EPS8L1: variants seen among roughly 807,000 people sequenced by gnomAD.
EPS8L1 encodes epidermal growth factor receptor kinase substrate 8-like protein 1.
EPS8L1 carries 101 observed loss-of-function variants against 91.7 expected under a neutral mutation model. The ratio of observed to expected loss-of-function variants is 1.10; its 90% CI spans 0.94 to 1.30. The LOEUF (loss-of-function observed/expected upper bound fraction) is 1.30. Among genes scored for constraint, EPS8L1 ranks in the 50% most tolerant of loss-of-function variants. The probability of loss-of-function intolerance (pLI) is 0.00; values close to 1 mark genes in which losing one functional copy is unlikely to be tolerated. For missense variants in EPS8L1, 1,114 were observed against 1,017.0 expected, an observed-to-expected ratio of 1.10 and a Z score of -1.30; for synonymous variants, 506 against 445.3, an observed-to-expected ratio of 1.14 and a Z score of -1.72.
chr19:55,078,151 C>G (rs757255258), intron 3 of EPS8L1, 23 bp downstream of exon 3: 41 of 1,612,348 alleles, frequency 2.5e-5, no homozygotes, highest in Middle Eastern at 1.7e-4. Context: ...CAAGGGAGCC[C>G]CAGGCCCATA....
Position 55,079,040 on chromosome 19 carries a change from TCC to T in EPS8L1, c.102_103del (p.Gln35ValfsTer13). On this transcript the variant is annotated frameshift_variant, in exon 4 of 20. Coordinates refer to ENST00000201647, the MANE Select transcript of EPS8L1 (RefSeq NM_133180.3). LOFTEE classifies it high-confidence loss of function. ...CTCCACAGTTGTTATGGCTGATGTA[TCC>T]CAGTACCCAGTCAATGTGAGTCTGG... Reference protein sequence around the residue: ...RYSTVVMADVSQYPVNHLVTF... With the variant: ...RYSTVVMADVXQYPVNHLVTF... The T allele has an allele frequency of 3.1e-6, 5 of 1,614,020 alleles. No homozygotes were observed. Among genetic ancestry groups the T allele is most frequent in the Non-Finnish European group, 4.2e-6 (5 of 1,179,950 alleles).
At chr19:55,076,227 G>A in intron 1 of EPS8L1, 181 bp from the exon 2 acceptor site, 2 of 540,262 alleles carry the variant, frequency 3.7e-6, no homozygotes, top group Non-Finnish European at 6.6e-6. Flanking sequence ...GGACTCCTGG[G>A]TCTAGGGAAG....
chr19:55,083,473 A>G lies in EPS8L1; in HGVS notation c.1310A>G (p.Glu437Gly). 6.2e-7 allele frequency: 1 copy of G among 1,612,504 alleles called. No homozygotes were observed. Among genetic ancestry groups the G allele is most frequent in the Non-Finnish European group, 8.5e-7 (1 of 1,179,764 alleles). Reference protein sequence around the residue: ...PVTDPQSRAWEDPVEKQLQHE... With the variant: ...PVTDPQSRAWGDPVEKQLQHE... Reference sequence around the variant, plus strand: ...ACTGACCCGCAGAGCCGCGCCTGGGAGGACCCAGTTGAGAAACAGCTACAG... The same window carrying G: ...ACTGACCCGCAGAGCCGCGCCTGGGGGGACCCAGTTGAGAAACAGCTACAG... Residue 437 changes from glutamate to glycine, a missense_variant, in exon 13 of 20, where the codon GAG becomes GGG. Transcript: ENST00000201647. The surrounding 1 kb of genome is among the most constrained non-coding windows in gnomAD (Gnocchi z 4.7).
chr19:55,083,307 A>C lies in EPS8L1; in HGVS notation c.1215-71A>C. 1 of 1,560,028 alleles carries C rather than the reference A, an allele frequency of 6.4e-7. No homozygotes were observed. The highest frequency in any genetic ancestry group is 8.7e-7 in the Non-Finnish European group (1 of 1,150,192). Reference sequence around the variant, plus strand: ...GCGAGCTTTAGGGGAAAACTTAGTGAAGTTAATGCAGGAACGAAGTTGGGG... The same window carrying C: ...GCGAGCTTTAGGGGAAAACTTAGTGCAGTTAATGCAGGAACGAAGTTGGGG... On this transcript the variant is annotated intron_variant, in intron 12 of 19. Coordinates refer to ENST00000201647, the MANE Select transcript of EPS8L1 (RefSeq NM_133180.3). The surrounding 1 kb of genome is among the most constrained non-coding windows in gnomAD (Gnocchi z 4.7).
rs1465739144 is a variant in EPS8L1, at chr19:55,086,811, C to T, written c.1875C>T (p.Ala625=). 1 of 1,587,652 alleles carries T rather than the reference C, an allele frequency of 6.3e-7. No homozygotes were observed. Among genetic ancestry groups the T allele is most frequent in the South Asian group, 1.1e-5 (1 of 88,578 alleles). The change falls in exon 18 of 20, where the codon GCC becomes GCT. Residue 625 remains alanine (A), a synonymous_variant. Transcript: ENST00000201647. ...GCCGCGCAGTCCCAGGGCCCCGCGC[C>T]CCGGAACCGCAGCTCAGCCCGGGCT... ...GPSRAVPGPR[A]PEPQLSPGSD...
rs1433424139 is a variant in EPS8L1, at chr19:55,087,296, CG to C, written c.1953-6del. The C allele has an allele frequency of 2.5e-6, 4 of 1,597,846 alleles. No homozygotes were observed. Among genetic ancestry groups the C allele is most frequent in the Non-Finnish European group, 1.7e-6 (2 of 1,172,854 alleles). On this transcript the variant is annotated splice_polypyrimidine_tract_variant and splice_region_variant and intron_variant, in intron 18 of 19. Coordinates refer to ENST00000201647, the MANE Select transcript of EPS8L1 (RefSeq NM_133180.3). ...GGCCTGACCGCGCCCGGGCTGCCCT[CG>C]CTCAGGACCGTGGACGCGCTGGGTG...
In EPS8L1 at chr19:55,082,599, C is replaced by T. The variant is rs755146080; in HGVS notation, c.1211C>T (p.Pro404Leu). 4.5e-6 allele frequency: 7 copies of T among 1,560,660 alleles called. No individual in the cohort carries two copies. In the Admixed American group the frequency reaches 7.7e-5, roughly 17 times the overall value. The change falls in exon 12 of 20, where the codon CCC becomes CTC. Residue 404 changes from proline to leucine, a missense_variant. Pro to Leu is a moderately conservative substitution (Grantham distance 98). Coordinates refer to ENST00000201647, the MANE Select transcript of EPS8L1 (RefSeq NM_133180.3). Reference protein sequence around the residue: ...WTSLGDSWTRPGLELSPEEGP... With the variant: ...WTSLGDSWTRLGLELSPEEGP... ...TCGCTGGGGGACTCGTGGACCCGCCCCGGGTGAGGGGCGGGGCTGGGAGGC... is the reference window on the plus strand; with the variant it reads ...TCGCTGGGGGACTCGTGGACCCGCCTCGGGTGAGGGGCGGGGCTGGGAGGC...
Position 55,082,562 on chromosome 19 carries a change from G to T in EPS8L1, c.1174G>T (p.Glu392Ter), listed in dbSNP as rs755923265. The change falls in exon 12 of 20, where the codon GAG (glutamate) becomes TAG (stop). Residue 392 changes from glutamate to a stop codon, truncating the protein, a stop_gained. Coordinates refer to ENST00000201647, the MANE Select transcript of EPS8L1 (RefSeq NM_133180.3). LOFTEE classifies it high-confidence loss of function. ...LRDNVTPRENELWTSLGDSWT... is the reference protein window; with the variant it reads ...LRDNVTPREN The stretch of plus-strand genomic sequence containing the variant: ...GGACAACGTCACTCCACGTGAAAAC[G>T]AGCTCTGGACCTCGCTGGGGGACTC... 7.5e-6 allele frequency: 12 copies of T among 1,594,908 alleles called. No individual in the cohort carries two copies. The Admixed American group carries it at 2.1e-4, about 28-fold the overall frequency.
chr19:55,082,711 G>C, intron 12 of EPS8L1, 109 bp downstream of exon 12: 1 of 1,046,394 alleles, frequency 9.6e-7, no homozygotes, highest in Non-Finnish European at 1.4e-6. Context: ...GTAGGGAGGG[G>C]TTAGAGGCGT....
chr19:55,084,772 A>G (rs1346839773), intron 14 of EPS8L1: 3 of 152,158 alleles, frequency 2.0e-5, no homozygotes, highest in South Asian at 2.1e-4. Context: ...CCGAGCCTCA[A>G]GTTCTTTTTT....
chr19:55,084,274 A>G (rs2076334615), intron 14 of EPS8L1: 1 of 159,906 alleles, frequency 6.3e-6, no homozygotes, highest in African/African-American at 2.4e-5. Context: ...TGGGTGTCGG[A>G]CTGGGTTAAA....
chr19:55,080,109 C>T lies in EPS8L1; in HGVS notation c.280-20C>T, dbSNP rs1164698962. On this transcript the variant is annotated intron_variant, in intron 5 of 19. Coordinates refer to ENST00000201647, the MANE Select transcript of EPS8L1 (RefSeq NM_133180.3). ...CCATCATTTCGGGGCCTCAGTTTAC[C>T]CCGCCATCCCACCCGGCAGGAGGAG... 2.0e-6 allele frequency: 3 copies of T among 1,474,058 alleles called. No individual in the cohort carries two copies. Among genetic ancestry groups the T allele is most frequent in the African/African-American group, 2.8e-5 (2 of 70,586 alleles). The allele number at this position is 1,474,058 out of a possible 1,614,324, so 91.3% of individuals were successfully genotyped here.
intron 2 of EPS8L1, among the ~76,000 whole-genome samples, 168 bp from the exon 3 acceptor site, chr19:55,077,919 GA>G (rs2076162731): frequency 6.8e-6 from 1 of 146,870 alleles, no homozygotes; most frequent in Non-Finnish European, 1.5e-5. Context: ...CTCTGGCTCT[GA>G]GCTCTCCTGC....
At position 55,086,725 on chromosome 19, in the gene EPS8L1, C is replaced by T. The variant is rs1388070058; in HGVS notation, c.1789C>T (p.Gln597Ter). 1.9e-6 allele frequency: 3 copies of T among 1,611,550 alleles called. No homozygotes were observed. Among genetic ancestry groups the T allele is most frequent in the African/African-American group, 1.3e-5 (1 of 74,998 alleles). ...LDPSEKEKFS[Q>*]MLIVNEELQA... ...TTTCCCGCCTGCAGAGAAATTCTCC[C>T]AGATGCTCATCGTCAACGAGGAACT... is the stretch of plus-strand genomic sequence containing the variant. The change falls in exon 18 of 20, where the codon CAG becomes TAG. Residue 597 changes from glutamine to a stop codon, truncating the protein, a stop_gained. Coordinates refer to ENST00000201647, the MANE Select transcript of EPS8L1 (RefSeq NM_133180.3). LOFTEE classifies it high-confidence loss of function.
Position 55,081,286 on chromosome 19 carries a change from C to G in EPS8L1, c.568C>G (p.Leu190Val). 6.5e-7 allele frequency: 1 copy of G among 1,549,256 alleles called. No individual in the cohort carries two copies. Among genetic ancestry groups the G allele is most frequent in the Non-Finnish European group, 8.7e-7 (1 of 1,154,958 alleles). Reference protein sequence around the residue: ...DRSPAAETPPLQRRPSVRAVI... With the variant: ...DRSPAAETPPVQRRPSVRAVI... ...CTCGCCCGCCGCTGAGACCCCGCCC[C>G]TGCAGCGCCGCCCGTCAGTCCGCGC... The change falls in exon 8 of 20, where the codon CTG becomes GTG. Residue 190 changes from leucine to valine, a missense_variant. By Grantham distance (32) the Leu-to-Val change is conservative (BLOSUM62 1). Coordinates refer to ENST00000201647, the MANE Select transcript of EPS8L1 (RefSeq NM_133180.3). This position sits in a 1 kb window ranked among gnomAD's most constrained non-coding sequence, Gnocchi z 4.9.
intron 17 of EPS8L1, 63 bp downstream of exon 17, chr19:55,086,581 C>G: frequency 6.5e-7 from 1 of 1,537,382 alleles, no homozygotes; most frequent in Admixed American, 2.0e-5. Context: ...GGCAGAGAAA[C>G]GGGGGCTCAG....
intron 2 of EPS8L1, among the ~76,000 whole-genome samples, chr19:55,077,054 C>T (rs895767886): frequency 6.6e-6 from 1 of 152,102 alleles, no homozygotes; most frequent in Non-Finnish European, 1.5e-5. Flanking sequence ...GGATGAGGAA[C>T]AGGAGTTTGG....
At chr19:55,082,985 G>A (rs2076303537) in intron 12 of EPS8L1, among the ~76,000 whole-genome samples, 1 of 152,172 alleles carries the variant, frequency 6.6e-6, no homozygotes, top group African/African-American at 2.4e-5. Flanking sequence ...CGCAGGGAAA[G>A]GGTCAGAACC....
chr19:55,078,843 G>T (rs9783962), intron 3 of EPS8L1, among the ~76,000 whole-genome samples, 156 bp from the exon 4 acceptor site: 1 of 50,338 alleles, frequency 2.0e-5, no homozygotes, highest in Admixed American at 2.2e-4. Context: ...AGGGAGGAGG[G>T]GCTGGGGGCC....
Sources: allele counts gnomAD v4.1 joint callset (sites outside exome capture counted in the v4.1 genomes callset), GRCh38; gene constraint gnomAD v4.1.1; non-coding constraint Gnocchi (gnomAD v3.1); transcripts MANE v1.5; gene names NCBI Gene and HGNC (gene_info 2026-07-23, HGNC 2026-07-21).